Variants in MEI4 observed in about 807,000 individuals in gnomAD.
MEI4 encodes the protein meiotic double-stranded break formation protein 4, also known as meiosis-specific protein MEI4.
A neutral mutation model predicts 31.4 loss-of-function variants in MEI4; 27 were observed. The observed-to-expected ratio is 0.86, with a 90% CI of 0.63 to 1.19. The LOEUF (loss-of-function observed/expected upper bound fraction) is 1.19. MEI4 is among the 50% of genes most tolerant of loss of function. The pLI, the probability that MEI4 is intolerant of heterozygous loss-of-function variation, is 0.00. For missense variants in MEI4, 329 were observed against 398.9 expected (o/e 0.82, Z 1.49); for synonymous variants, 122 against 145.4 (o/e 0.84, Z 1.16).
chr6:77,818,055 T>C (rs1189005962), intron 3 of MEI4, among the ~76,000 whole-genome samples: 3 of 152,206 alleles, frequency 2.0e-5, no homozygotes, highest in East Asian at 3.8e-4. Flanking sequence ...ATTGAACAGT[T>C]TTTCAATGTG....
chr6:77,804,179 C>T (rs1349692362), intron 3 of MEI4, among the ~76,000 whole-genome samples: 1 of 152,124 alleles, frequency 6.6e-6, no homozygotes, highest in Admixed American at 6.5e-5. Flanking sequence ...TGGCGGACGC[C>T]CCTCCCCCAG....
intron 4 of MEI4, among the ~76,000 whole-genome samples, chr6:77,907,153 A>T (rs1291256323): frequency 6.6e-6 from 1 of 152,040 alleles, no homozygotes; most frequent in African/African-American, 2.4e-5. Context: ...TTTTTTAAAT[A>T]TACTTTGAGT....
At chr6:77,842,223 A>G (rs2127715184) in intron 4 of MEI4, among the ~76,000 whole-genome samples, 1 of 152,248 alleles carries the variant, frequency 6.6e-6, no homozygotes, top group South Asian at 2.1e-4. Flanking sequence ...TTCTCCAACC[A>G]TAATATAATT....
rs148736609 is a variant in MEI4, at chr6:77,766,663, C to A, written c.768+4998C>A. Among the ~76,000 whole-genome samples the A allele has an allele frequency of 1.6e-3, 238 of 152,208 alleles. 2 individuals carry two copies. Among genetic ancestry groups the A allele is most frequent in the African/African-American group, 5.4e-3 (224 of 41,552 alleles). On this transcript the variant is annotated intron_variant, in intron 3 of 4. Transcript: ENST00000684080. ...TCCTGACCTCGTGATCCGCCCACCT[C>A]GGCCTCCCAAAGTGCTGGGATTACA...
intron 4 of MEI4, among the ~76,000 whole-genome samples, chr6:77,863,446 C>T (rs1399025911): frequency 6.6e-6 from 1 of 151,974 alleles, no homozygotes; most frequent in Non-Finnish European, 1.5e-5. Flanking sequence ...GCACAAGCCT[C>T]AGTAGCCAAC....
intron 1 of MEI4, among the ~76,000 whole-genome samples, chr6:77,684,870 A>T (rs994403478): frequency 6.6e-6 from 1 of 152,178 alleles, no homozygotes; most frequent in Non-Finnish European, 1.5e-5. Flanking sequence ...ATACACCCAA[A>T]GTGAGATTGC....
In MEI4 at chr6:77,831,145, G is replaced by GA. The variant is rs1233742168; in HGVS notation, c.900+2097dup. Among the ~76,000 whole-genome samples, 702 of 119,616 alleles carry GA rather than the reference G, an allele frequency of 5.9e-3. 1 individual carries two copies. Among genetic ancestry groups the GA allele is most frequent in the African/African-American group, 8.9e-3 (288 of 32,310 alleles). 78.5% of individuals were successfully genotyped at this position (119,616 alleles called of 152,430 possible). On this transcript the variant is annotated intron_variant, in intron 4 of 4. Coordinates refer to ENST00000684080, the MANE Select transcript of MEI4 (RefSeq NM_001322247.2). ...ACATACAAATGGCTAGCAGGCATAT[G>GA]AAAAAAAAAAAAAAGCTCAACAATA...
intron 2 of MEI4, among the ~76,000 whole-genome samples, chr6:77,745,008 C>T (rs1167957991): frequency 6.6e-6 from 1 of 152,156 alleles, no homozygotes; most frequent in African/African-American, 2.4e-5. Context: ...CCAGCCACTG[C>T]AAAATCATGC....
At chr6:77,885,549 C>T (rs1252535525) in intron 4 of MEI4, among the ~76,000 whole-genome samples, 1 of 151,848 alleles carries the variant, frequency 6.6e-6, no homozygotes, top group Non-Finnish European at 1.5e-5. Flanking sequence ...ATTTGTTTAT[C>T]ATGTCTAAGA....
intron 2 of MEI4, among the ~76,000 whole-genome samples, chr6:77,726,080 C>CG (rs1386459792): frequency 1.0e-5 from 1 of 100,410 alleles, no homozygotes; most frequent in Non-Finnish European, 2.0e-5. Context: ...TGCGGCCTTC[C>CG]GCAGTTTTTG....
chr6:77,704,844 T>C (rs1222835566), intron 2 of MEI4, among the ~76,000 whole-genome samples: 3 of 152,130 alleles, frequency 2.0e-5, no homozygotes, highest in African/African-American at 4.8e-5. Context: ...CCAAGTGCAG[T>C]AAATTAAGAG....
intron 3 of MEI4, among the ~76,000 whole-genome samples, chr6:77,787,306 T>A (rs1461368508): frequency 6.6e-6 from 1 of 152,172 alleles, no homozygotes; most frequent in Non-Finnish European, 1.5e-5. Context: ...GGCCTTCAAT[T>A]TGCAGACCAA....
At chr6:77,698,446 C>T (rs1766116076) in intron 2 of MEI4, among the ~76,000 whole-genome samples, 1 of 152,074 alleles carries the variant, frequency 6.6e-6, no homozygotes. Context: ...TTCAGGAGCT[C>T]TTTTAGGGCA....
At position 77,820,970 on chromosome 6, in the gene MEI4, A is replaced by C. The variant is rs1317489277; in HGVS notation, c.769-7961A>C. On this transcript the variant is annotated intron_variant, in intron 3 of 4. Transcript: ENST00000684080. The surrounding 1 kb of genome is among the most constrained non-coding windows in gnomAD (Gnocchi z 4.5). ...ACTATAGCTTCTTATTCTATTCTCT[A>C]TGTCTCTTAACCTCTACTCGTATAT... is the stretch of plus-strand genomic sequence containing the variant. Among the ~76,000 whole-genome samples, 1 of 151,266 alleles carries C rather than the reference A, an allele frequency of 6.6e-6. No homozygotes were observed. Among genetic ancestry groups the C allele is most frequent in the Non-Finnish European group, 1.5e-5 (1 of 67,866 alleles).
At chr6:77,681,707 A>G (rs1245215537) in intron 1 of MEI4, among the ~76,000 whole-genome samples, 2 of 152,190 alleles carry the variant, frequency 1.3e-5, no homozygotes, top group Admixed American at 1.3e-4. Flanking sequence ...GTGTTAAGAG[A>G]CCGTAGACAA....
rs1766114276 is a variant in MEI4 at position 77,698,401 on chromosome 6, G to C, written c.232+7498G>C. ...ATTTTGGCAGGTTTTTGCAGTGGCT[G>C]GTACCGGTTGTTCCTTTCTATGTTT... On this transcript the variant is annotated intron_variant, in intron 2 of 4. Transcript: ENST00000684080. 3.3e-5 allele frequency among the ~76,000 whole-genome samples: 5 copies of C among 152,172 alleles called. No homozygotes were observed. In the South Asian group the frequency reaches 1.0e-3, roughly 31 times the overall value.
At chr6:77,736,901 G>C (rs1376419719) in intron 2 of MEI4, among the ~76,000 whole-genome samples, 1 of 151,196 alleles carries the variant, frequency 6.6e-6, no homozygotes, top group Non-Finnish European at 1.5e-5. Flanking sequence ...TTTAAGGATG[G>C]ATAGGATTTA....
intron 4 of MEI4, among the ~76,000 whole-genome samples, chr6:77,856,316 C>A (rs1446101916): frequency 2.0e-5 from 3 of 152,116 alleles, no homozygotes; most frequent in African/African-American, 4.8e-5. Context: ...TGAACCTACC[C>A]TTCCTTCTCT....
At chr6:77,802,462 C>CCATTTA (rs1561995128) in intron 3 of MEI4, among the ~76,000 whole-genome samples, 1 of 152,102 alleles carries the variant, frequency 6.6e-6, no homozygotes, top group Non-Finnish European at 1.5e-5. Context: ...AGCATTTAGC[C>CCATTTA]CATTTACATT....
Sources: allele counts gnomAD v4.1 joint callset (sites outside exome capture counted in the v4.1 genomes callset), GRCh38; gene constraint gnomAD v4.1.1; non-coding constraint Gnocchi (gnomAD v3.1); transcripts MANE v1.5; gene names NCBI Gene and HGNC (gene_info 2026-07-23, HGNC 2026-07-21).